The following LGR5 variants were observed in gnomAD, a reference collection of about 807,000 sequenced individuals.
LGR5 encodes the protein leucine-rich repeat-containing G protein-coupled receptor 5.
In LGR5, 54 loss-of-function variants were observed where a neutral mutation model predicts 76.7. The ratio of observed to expected loss-of-function variants is 0.70; its 90% CI spans 0.57 to 0.88. The LOEUF (loss-of-function observed/expected upper bound fraction) is 0.88. LGR5 is among the 40% of genes least tolerant of loss of function. LGR5 has a pLI of 0.00. For missense variants in LGR5, 1,078 were observed against 1,073.3 expected, an observed-to-expected ratio of 1.00 and a Z score of -0.06; for synonymous variants, 406 against 421.9, an observed-to-expected ratio of 0.96 and a Z score of 0.46.
At chr12:71,565,488 T>A (rs61121002) in intron 8 of LGR5, among the ~76,000 whole-genome samples, 5 of 134,026 alleles carry the variant, frequency 3.7e-5, no homozygotes, top group South Asian at 4.8e-4. Context: ...TATATATATA[T>A]AACACATACA....
chr12:71,451,681 C>T (rs1872256320), intron 1 of LGR5, among the ~76,000 whole-genome samples: 1 of 152,180 alleles, frequency 6.6e-6, no homozygotes, highest in Non-Finnish European at 1.5e-5. Context: ...TTGTCCGTTT[C>T]TACTACTGGA....
intron 4 of LGR5, among the ~76,000 whole-genome samples, chr12:71,536,584 C>T (rs1876597918): frequency 6.6e-6 from 1 of 152,204 alleles, no homozygotes; most frequent in African/African-American, 2.4e-5. Flanking sequence ...AAAACAGCCT[C>T]AAGTTGGGGT....
chr12:71,460,600 T>C (rs993451802), intron 1 of LGR5, among the ~76,000 whole-genome samples: 1 of 152,166 alleles, frequency 6.6e-6, no homozygotes, highest in Non-Finnish European at 1.5e-5. Context: ...CTGGCTTAAC[T>C]TTATATACAG....
At chr12:71,522,760 A>G (rs1272502706) in intron 2 of LGR5, among the ~76,000 whole-genome samples, 1 of 152,172 alleles carries the variant, frequency 6.6e-6, no homozygotes, top group Non-Finnish European at 1.5e-5. Flanking sequence ...AGAGAAGGAA[A>G]AACAGGCACA....
intron 13 of LGR5, among the ~76,000 whole-genome samples, chr12:71,575,404 A>T (rs1878803290): frequency 6.6e-6 from 1 of 152,054 alleles, no homozygotes; most frequent in African/African-American, 2.4e-5. Context: ...CTGGGTATAT[A>T]CCCCCCAAAA....
chr12:71,469,933 A>C (rs1873024619), intron 1 of LGR5, among the ~76,000 whole-genome samples: 2 of 152,098 alleles, frequency 1.3e-5, no homozygotes, highest in African/African-American at 4.8e-5. Flanking sequence ...ACCATCGCAC[A>C]ACACACATTC....
chr12:71,559,233 G>A (rs79472203), intron 6 of LGR5, among the ~76,000 whole-genome samples: 4,032 of 152,254 alleles, frequency 0.026, 188 homozygotes, highest in African/African-American at 0.093. Flanking sequence ...CAATTAGTGA[G>A]CCCGGTTCAG....
At chr12:71,511,214 T>A (rs187589343) in intron 2 of LGR5, among the ~76,000 whole-genome samples, 256 of 152,340 alleles carry the variant, frequency 1.7e-3, no homozygotes, top group Admixed American at 3.0e-3. Context: ...CAAATCTATG[T>A]TTCCAGACCA....
intron 1 of LGR5, among the ~76,000 whole-genome samples, chr12:71,495,082 G>T (rs1328669654): frequency 1.3e-5 from 2 of 150,776 alleles, no homozygotes; most frequent in Non-Finnish European, 2.9e-5. Flanking sequence ...CGTAGTCGGG[G>T]GGGGTCTCCT....
chr12:71,513,363 C>T (rs1592503764), intron 2 of LGR5, among the ~76,000 whole-genome samples: 1 of 152,156 alleles, frequency 6.6e-6, no homozygotes, highest in East Asian at 1.9e-4. Flanking sequence ...ATAGCCAATG[C>T]CTCAAGTGAT....
chr12:71,519,627 T>C (rs534787118), intron 2 of LGR5, among the ~76,000 whole-genome samples: 11 of 151,156 alleles, frequency 7.3e-5, no homozygotes, highest in Admixed American at 6.0e-4. Flanking sequence ...GGTGAAACCC[T>C]GTCTCTACCA....
At chr12:71,556,176 G>A (rs1226544195) in intron 5 of LGR5, among the ~76,000 whole-genome samples, 1 of 152,134 alleles carries the variant, frequency 6.6e-6, no homozygotes, top group East Asian at 1.9e-4. Context: ...CTCAGAGGGT[G>A]GAGGGTGGGA....
chr12:71,553,201 C>T lies in LGR5; in HGVS notation c.557C>T (p.Ser186Leu), dbSNP rs144739516. The T allele has an allele frequency of 5.5e-5, 88 of 1,613,870 alleles. 1 individual carries two copies. The African/African-American group carries it at 6.5e-4, about 12-fold the overall frequency. Reference sequence around the variant, plus strand: ...CCCGTCCAGGCTTTTAGAAGTTTATCGGCATTGCAAGCCATGACCTTGGCC... The same window carrying T: ...CCCGTCCAGGCTTTTAGAAGTTTATTGGCATTGCAAGCCATGACCTTGGCC... ...EIPVQAFRSL[S>L]ALQAMTLALN... Residue 186 changes from serine to leucine, a missense_variant, in exon 5 of 18, where the codon TCG becomes TTG. By Grantham distance (145) the Ser-to-Leu change is moderately radical (BLOSUM62 -2). Coordinates refer to ENST00000266674, the MANE Select transcript of LGR5 (RefSeq NM_003667.4).
At chr12:71,505,860 A>G (rs934951388) in intron 2 of LGR5, among the ~76,000 whole-genome samples, 7 of 152,170 alleles carry the variant, frequency 4.6e-5, no homozygotes, top group Admixed American at 1.3e-4. Context: ...TCATTCATGG[A>G]ATAGATTTTC....
chr12:71,480,555 A>G (rs905069966), intron 1 of LGR5, among the ~76,000 whole-genome samples: 5 of 151,994 alleles, frequency 3.3e-5, no homozygotes, highest in African/African-American at 1.2e-4. Flanking sequence ...CATTCTCCAG[A>G]TCCCTTCTCT....
chr12:71,544,316 CTT>C (rs5799045), intron 4 of LGR5, among the ~76,000 whole-genome samples: 38 of 34,894 alleles, frequency 1.1e-3, no homozygotes, highest in African/African-American at 3.6e-3. Flanking sequence ...TCTTCTTCTT[CTT>C]TTTTTTTTTT....
intron 1 of LGR5, among the ~76,000 whole-genome samples, chr12:71,452,231 T>C (rs1872279816): frequency 6.6e-6 from 1 of 152,218 alleles, no homozygotes; most frequent in South Asian, 2.1e-4. Flanking sequence ...AAACTCCCTG[T>C]TTAATGGCAG....
At chr12:71,524,814 G>A (rs1205566162) in intron 3 of LGR5, among the ~76,000 whole-genome samples, 1 of 152,162 alleles carries the variant, frequency 6.6e-6, no homozygotes, top group East Asian at 1.9e-4. Context: ...ATGACAGGAT[G>A]AATAAATCAC....
chr12:71,481,726 T>C (rs1873613269), intron 1 of LGR5, among the ~76,000 whole-genome samples: 1 of 152,182 alleles, frequency 6.6e-6, no homozygotes, highest in Non-Finnish European at 1.5e-5. Flanking sequence ...TATTGATTAT[T>C]GCACAAGGTA....
Sources: allele counts gnomAD v4.1 joint callset (sites outside exome capture counted in the v4.1 genomes callset), GRCh38; gene constraint gnomAD v4.1.1; transcripts MANE v1.5; gene names NCBI Gene and HGNC (gene_info 2026-07-23, HGNC 2026-07-21).